KCND2: variants seen among roughly 807,000 people sequenced by gnomAD.
KCND2 encodes the protein A-type voltage-gated potassium channel KCND2.
KCND2 carries 16 observed loss-of-function variants against 54.4 expected under a neutral mutation model. The observed-to-expected ratio is 0.29, with a 90% CI of 0.20 to 0.45. The LOEUF is 0.45. Ranked by LOEUF, KCND2 falls within the 20% of genes least tolerant of loss-of-function variation. The pLI is 1.00. For synonymous variants in KCND2, 317 were observed against 310.7 expected (o/e 1.02, Z -0.21); for missense variants, 486 against 824.2 (o/e 0.59, Z 5.02).
At chr7:120,552,497 A>T (rs1792115174) in intron 1 of KCND2, among the ~76,000 whole-genome samples, 1 of 152,258 alleles carries the variant, frequency 6.6e-6, no homozygotes, top group Non-Finnish European at 1.5e-5. Flanking sequence ...TAAGGAAAAG[A>T]AGACCTAAGA....
At chr7:120,282,001 A>G (rs536274946) in intron 1 of KCND2, among the ~76,000 whole-genome samples, 3 of 152,250 alleles carry the variant, frequency 2.0e-5, no homozygotes, top group East Asian at 3.9e-4. Flanking sequence ...TTCATCCATA[A>G]CTAACTACTC....
chr7:120,554,592 T>G (rs1439188443), intron 1 of KCND2, among the ~76,000 whole-genome samples: 1 of 152,018 alleles, frequency 6.6e-6, no homozygotes, highest in East Asian at 1.9e-4. Flanking sequence ...GTATTTTTAG[T>G]AGAGACGGGG....
At chr7:120,528,403 C>G (rs802370) in intron 1 of KCND2, among the ~76,000 whole-genome samples, 10,111 of 152,048 alleles carry the variant, frequency 0.066, 888 homozygotes, top group East Asian at 0.45. Flanking sequence ...TAGAAGATTG[C>G]TTAGCAATAG....
intron 1 of KCND2, among the ~76,000 whole-genome samples, chr7:120,536,278 A>G (rs1462205217): frequency 2.0e-5 from 3 of 152,166 alleles, no homozygotes; most frequent in Non-Finnish European, 4.4e-5. Flanking sequence ...GTTAACAATC[A>G]TCTGGACTGT....
At chr7:120,485,224 T>C (rs1380461495) in intron 1 of KCND2, among the ~76,000 whole-genome samples, 1 of 152,140 alleles carries the variant, frequency 6.6e-6, no homozygotes, top group African/African-American at 2.4e-5. Context: ...TAACATATTG[T>C]TACAATAATG....
At chr7:120,545,148 A>T (rs1401950716) in intron 1 of KCND2, among the ~76,000 whole-genome samples, 1 of 151,936 alleles carries the variant, frequency 6.6e-6, no homozygotes, top group South Asian at 2.1e-4. Context: ...CAAAGGAAAA[A>T]TGTCTTGCAA....
At chr7:120,675,435 C>T (rs553948717) in intron 1 of KCND2, among the ~76,000 whole-genome samples, 133 of 151,198 alleles carry the variant, frequency 8.8e-4, no homozygotes, top group African/African-American at 3.1e-3. Flanking sequence ...GATGGGTTTT[C>T]GCCATGTTGG....
At chr7:120,389,703 A>G (rs923528475) in intron 1 of KCND2, among the ~76,000 whole-genome samples, 1 of 151,944 alleles carries the variant, frequency 6.6e-6, no homozygotes, top group Non-Finnish European at 1.5e-5. Context: ...GTATTGTTAT[A>G]TTTAAATTCT....
intron 1 of KCND2, among the ~76,000 whole-genome samples, chr7:120,659,303 C>A (rs896804116): frequency 1.6e-5 from 2 of 124,106 alleles, no homozygotes; most frequent in Non-Finnish European, 3.2e-5. Flanking sequence ...TATCATCCCA[C>A]AATAGGACTA....
chr7:120,740,681 A>G (rs1025603573), intron 2 of KCND2, among the ~76,000 whole-genome samples: 2 of 152,154 alleles, frequency 1.3e-5, no homozygotes, highest in Non-Finnish European at 2.9e-5. Flanking sequence ...ACTTAAAGGA[A>G]CAATTGAACT....
intron 1 of KCND2, among the ~76,000 whole-genome samples, chr7:120,427,075 CT>C: frequency 6.6e-6 from 1 of 152,158 alleles, no homozygotes; most frequent in Non-Finnish European, 1.5e-5. Flanking sequence ...TTTTCTCAAG[CT>C]TTCTTTGATG....
rs1272525648 is a variant in KCND2, at chr7:120,745,792, G to A, written c.1480G>A (p.Val494Met). Residue 494 changes from valine (V) to methionine (M), a missense_variant, in exon 5 of 6, where the codon GTG (valine) becomes ATG (methionine). Transcript: ENST00000331113. ...CLEKTTNHEF[V>M]DEQVFEESCM... Reference sequence around the variant, plus strand: ...AACTGTGGAACAGAATCACGAGTTTGTGGACGAACAAGTCTTTGAAGAAAG... The same window carrying A: ...AACTGTGGAACAGAATCACGAGTTTATGGACGAACAAGTCTTTGAAGAAAG... The A allele has an allele frequency of 1.2e-6, 2 of 1,613,566 alleles. No homozygotes were observed. Among genetic ancestry groups the A allele is most frequent in the Admixed American group, 1.7e-5 (1 of 59,952 alleles).
intron 1 of KCND2, among the ~76,000 whole-genome samples, chr7:120,390,579 A>G (rs971011146): frequency 2.6e-5 from 4 of 152,044 alleles, no homozygotes; most frequent in African/African-American, 9.7e-5. Flanking sequence ...TTCAATTCCT[A>G]TGCTATATAC....
chr7:120,371,105 C>T (rs1170970692), intron 1 of KCND2, among the ~76,000 whole-genome samples: 1 of 152,000 alleles, frequency 6.6e-6, no homozygotes, highest in Non-Finnish European at 1.5e-5. Flanking sequence ...GGAGAGAGAA[C>T]ATGCCACACC....
intron 1 of KCND2, among the ~76,000 whole-genome samples, chr7:120,637,685 AAAAG>A (rs1285310502): frequency 2.6e-5 from 4 of 152,162 alleles, no homozygotes; most frequent in Non-Finnish European, 5.9e-5. Flanking sequence ...GTTTAGGTGA[AAAAG>A]AAATCCATCT....
intron 1 of KCND2, among the ~76,000 whole-genome samples, chr7:120,729,408 GAGTAATGT>G (rs143943851): frequency 0.019 from 2,896 of 152,300 alleles, 30 homozygotes; most frequent in African/African-American, 0.026. Context: ...AGGATAGAAA[GAGTAATGT>G]AAATTGTACC....
chr7:120,575,443 C>T (rs528056200), intron 1 of KCND2, among the ~76,000 whole-genome samples: 15 of 152,198 alleles, frequency 9.9e-5, no homozygotes, highest in East Asian at 3.9e-4. Context: ...TGCTTTTATC[C>T]GAGCCACACT....
intron 1 of KCND2, among the ~76,000 whole-genome samples, chr7:120,665,747 A>G (rs1008366270): frequency 1.3e-5 from 2 of 152,020 alleles, no homozygotes; most frequent in East Asian, 1.9e-4. Flanking sequence ...TTTTTTCCTC[A>G]AATAATTTTG....
At chr7:120,587,336 T>G (rs1792612526) in intron 1 of KCND2, among the ~76,000 whole-genome samples, 1 of 152,204 alleles carries the variant, frequency 6.6e-6, no homozygotes, top group African/African-American at 2.4e-5. Context: ...TAGAAATCTT[T>G]CGCAAATTCC....
Sources: allele counts gnomAD v4.1 joint callset (sites outside exome capture counted in the v4.1 genomes callset), GRCh38; gene constraint gnomAD v4.1.1; transcripts MANE v1.5; gene names NCBI Gene and HGNC (gene_info 2026-07-23, HGNC 2026-07-21).